RGS5: variants seen among roughly 807,000 people sequenced by gnomAD.
The protein encoded by RGS5 is regulator of G protein signaling 5.
RGS5 carries 20 observed loss-of-function variants against 18.9 expected under a neutral mutation model. That is an observed-to-expected ratio of 1.06 (90% CI 0.74 to 1.54). The LOEUF is 1.54. Among genes scored for constraint, RGS5 ranks in the 40% most tolerant of loss-of-function variants. The probability of loss-of-function intolerance (pLI) is 0.00; values close to 1 mark genes in which losing one functional copy is unlikely to be tolerated. For missense variants in RGS5, 201 were observed against 211.8 expected (o/e 0.95, Z 0.32); for synonymous variants, 57 against 76.2 (o/e 0.75, Z 1.31).
rs184815957 is a variant in RGS5 at position 163,297,294 on chromosome 1, C to T, written c.-281+8939G>A. Among the ~76,000 whole-genome samples the T allele has an allele frequency of 2.0e-3, 310 of 152,154 alleles. 3 individuals are homozygous for T. The highest frequency in any genetic ancestry group is 7.1e-3 in the African/African-American group (294 of 41,516). ...AGGGCTTTGTGCAATACAGATAATG[C>T]GTCAAGGTTTCAGTTAGCTAACTTG... On this transcript the variant is annotated intron_variant, in intron 2 of 5. Coordinates refer to the RGS5 transcript ENST00000618415.
At chr1:163,260,642 G>A (rs1648408544) in intron 2 of RGS5, 1 of 148,970 alleles carries the variant, frequency 6.7e-6, no homozygotes, top group Non-Finnish European at 1.5e-5. Context: ...AAAAACACTT[G>A]TACCTCAAAA....
intron 2 of RGS5, among the ~76,000 whole-genome samples, chr1:163,276,759 C>A (rs879292803): frequency 6.6e-6 from 1 of 152,146 alleles, no homozygotes. Context: ...CCTGGCAATG[C>A]TACAAGACAA....
rs1657143340 is a variant in RGS5, at chr1:163,146,730, A to AG, written c.*611_*612insC. 1 of 152,174 alleles carries AG rather than the reference A, an allele frequency of 6.6e-6. No individual in the cohort carries two copies. Among genetic ancestry groups the AG allele is most frequent in the Non-Finnish European group, 1.5e-5 (1 of 68,028 alleles). The allele number at this position is 152,174 out of a possible 1,614,324, so 9.4% of individuals were successfully genotyped here. On this transcript the variant is annotated 3_prime_UTR_variant, in exon 5 of 5. Coordinates refer to ENST00000313961, the MANE Select transcript of RGS5 (RefSeq NM_003617.4). ...GTTCAGATTGATTTTGTATAAACATAATATATTCATGGTTGTATCTCTTAT... is the reference window on the plus strand; with the variant it reads ...GTTCAGATTGATTTTGTATAAACATAGATATATTCATGGTTGTATCTCTTAT...
At chr1:163,157,652 T>C (rs186392799) in intron 3 of RGS5, among the ~76,000 whole-genome samples, 7 of 152,262 alleles carry the variant, frequency 4.6e-5, no homozygotes, top group African/African-American at 1.7e-4. Flanking sequence ...CCTTATAAAT[T>C]GACAAAGATG....
At chr1:163,204,367 G>C (rs1259081827), upstream of RGS5, among the ~76,000 whole-genome samples, 1 of 151,660 alleles carries the variant, frequency 6.6e-6, no homozygotes, top group Non-Finnish European at 1.5e-5. Context: ...TTTTGAGACA[G>C]AGTCTAGCTC....
At chr1:163,204,552 G>A (rs1659897401), upstream of RGS5, among the ~76,000 whole-genome samples, 1 of 152,046 alleles carries the variant, frequency 6.6e-6, no homozygotes, top group Non-Finnish European at 1.5e-5. Context: ...GTCTAGTTTT[G>A]GTGTCCAGGC....
chr1:163,311,730 T>C (rs1021905729), intron 1 of RGS5, among the ~76,000 whole-genome samples: 4 of 152,164 alleles, frequency 2.6e-5, no homozygotes, highest in African/African-American at 9.7e-5. Flanking sequence ...AAAACAATTA[T>C]AATAGTAACA....
chr1:163,295,814 C>G (rs547098250), intron 2 of RGS5, among the ~76,000 whole-genome samples: 4 of 152,308 alleles, frequency 2.6e-5, no homozygotes, highest in African/African-American at 9.6e-5. Context: ...TCAAGTGAGG[C>G]TTTGAAGCCT....
At chr1:163,320,355 AT>A (rs1454230135) in intron 1 of RGS5, among the ~76,000 whole-genome samples, 1 of 152,186 alleles carries the variant, frequency 6.6e-6, no homozygotes, top group Admixed American at 6.5e-5. Flanking sequence ...AATTCACTTA[AT>A]CTTCATGATA....
chr1:163,182,675 C>G (rs922983395), intron 1 of RGS5, among the ~76,000 whole-genome samples: 1 of 152,048 alleles, frequency 6.6e-6, no homozygotes, highest in African/African-American at 2.4e-5. Flanking sequence ...ATTTTGGAAG[C>G]CAGATAATGA....
chr1:163,304,694 T>C (rs769624920), intron 2 of RGS5: 1 of 152,210 alleles, frequency 6.6e-6, no homozygotes, highest in Non-Finnish European at 1.5e-5. Flanking sequence ...TACTTCATAA[T>C]AGGCAATCAA....
At chr1:163,195,769 C>T (rs1395088384) in intron 1 of RGS5, among the ~76,000 whole-genome samples, 1 of 151,540 alleles carries the variant, frequency 6.6e-6, no homozygotes, top group Non-Finnish European at 1.5e-5. Flanking sequence ...AATTATGTTT[C>T]CTTCACTGCC....
intron 1 of RGS5, among the ~76,000 whole-genome samples, chr1:163,185,744 A>G (rs536674743): frequency 1.6e-4 from 25 of 152,358 alleles, no homozygotes; most frequent in African/African-American, 5.8e-4. Flanking sequence ...CATTAAGAGA[A>G]ACCACACATT....
upstream of RGS5, chr1:163,206,985 TATA>T (rs763426012): frequency 9.2e-5 from 14 of 152,220 alleles, no homozygotes; most frequent in African/African-American, 3.1e-4. Context: ...GTTTTTAGAT[TATA>T]ATGACAACTA....
chr1:163,213,243 A>AG (rs1157794026), intron 1 of RGS5, among the ~76,000 whole-genome samples: 1 of 152,202 alleles, frequency 6.6e-6, no homozygotes, highest in African/African-American at 2.4e-5. Context: ...CCAAAAAAAA[A>AG]GAAAACTGAT....
At chr1:163,191,664 G>A (rs1329836003) in intron 1 of RGS5, among the ~76,000 whole-genome samples, 2 of 152,148 alleles carry the variant, frequency 1.3e-5, no homozygotes, top group Non-Finnish European at 2.9e-5. Flanking sequence ...GGTGCTAGGA[G>A]CACCTTTTAT....
chr1:163,240,454 G>C (rs1438863232), intron 2 of RGS5, among the ~76,000 whole-genome samples: 1 of 151,778 alleles, frequency 6.6e-6, no homozygotes, highest in South Asian at 2.1e-4. Context: ...TAGACCATAT[G>C]CATCAGGAGG....
intron 1 of RGS5, among the ~76,000 whole-genome samples, chr1:163,187,940 T>A (rs904756214): frequency 2.6e-5 from 4 of 152,130 alleles, no homozygotes; most frequent in Non-Finnish European, 5.9e-5. Flanking sequence ...TGATGTTATC[T>A]CTGCATAGAT....
chr1:163,268,277 T>C (rs750893289), intron 2 of RGS5, among the ~76,000 whole-genome samples: 2 of 152,090 alleles, frequency 1.3e-5, no homozygotes, highest in African/African-American at 2.4e-5. Context: ...AGAAGAAGCA[T>C]GAAGCACAGA....
Sources: gnomAD v4.1 joint callset for allele counts (sites outside exome capture counted in the v4.1 genomes callset) on GRCh38, gnomAD v4.1.1 for gene constraint, MANE v1.5 for transcripts, NCBI Gene and HGNC (gene_info 2026-07-23, HGNC 2026-07-21) for gene names.